DNAH8: variants seen among roughly 807,000 people sequenced by gnomAD.
The protein encoded by DNAH8 is dynein axonemal heavy chain 8.
DNAH8 carries 382 observed loss-of-function variants against 562.1 expected under a neutral mutation model. The observed-to-expected ratio is 0.68, with a 90% CI of 0.63 to 0.74. DNAH8 has a LOEUF of 0.74. Among genes scored for constraint, DNAH8 ranks in the 30% least tolerant of loss-of-function variants. DNAH8 has a pLI of 0.00. For synonymous variants in DNAH8, 1,881 were observed against 1,919.4 expected (o/e 0.98, Z 0.52); for missense variants, 5,203 against 5,620.4 (o/e 0.93, Z 2.37).
intron 85 of DNAH8, among the ~76,000 whole-genome samples, chr6:38,976,388 T>C (rs1763677766): frequency 1.3e-5 from 2 of 152,380 alleles, no homozygotes; most frequent in Admixed American, 6.5e-5. Context: ...AAGTGTTTAC[T>C]GTGATATTTC....
chr6:38,850,498 G>C, intron 38 of DNAH8, 84 bp downstream of exon 38: 1 of 1,286,842 alleles, frequency 7.8e-7, no homozygotes, highest in East Asian at 2.4e-5. Flanking sequence ...CTACATTTCT[G>C]GTTTGGTAGT....
chr6:38,775,855 A>G lies in DNAH8; in HGVS notation c.1866A>G (p.Gln622=). 1.2e-6 allele frequency: 2 copies of G among 1,609,884 alleles called. No individual in the cohort carries two copies. Among genetic ancestry groups the G allele is most frequent in the South Asian group, 1.1e-5 (1 of 90,954 alleles). The part of the protein sequence containing the change: ...IMAIKFRNIY[Q]GVKKKQYDIL... ...CAATAAAATTCAGAAATATATACCA[A>G]GGGGTTAAGAAAAAGCAATATGACA... The change falls in exon 13 of 93, where the codon CAA becomes CAG. Residue 622 remains glutamine (Q), a synonymous_variant. Transcript: ENST00000327475.
intron 82 of DNAH8, among the ~76,000 whole-genome samples, chr6:38,955,757 A>G (rs573150385): frequency 9.2e-5 from 14 of 152,316 alleles, no homozygotes; most frequent in African/African-American, 3.4e-4. Flanking sequence ...CCACCACATC[A>G]GGAATTCTGT....
rs202187941 is a variant in DNAH8 at position 38,857,680 on chromosome 6, A to T, written c.5896A>T (p.Arg1966Ter). 2.5e-6 allele frequency: 4 copies of T among 1,613,880 alleles called. No homozygotes were observed. Among genetic ancestry groups the T allele is most frequent in the East Asian group, 2.2e-5 (1 of 44,840 alleles). The stretch of plus-strand genomic sequence containing the variant: ...AACACATGATCTAAGCAAGTTTGAT[A>T]GAGTGAAGTTCGAGACTCTAATTAC... ...QTTHDLSKFDRVKFETLITIH... is the reference protein window; with the variant it reads ...QTTHDLSKFD The change falls in exon 42 of 93, where the codon AGA (arginine) becomes TGA (stop). Residue 1966 changes from arginine (R) to a stop codon, truncating the protein, a stop_gained. Transcript: ENST00000327475. LOFTEE classifies it high-confidence loss of function.
chr6:38,853,352 G>A lies in DNAH8; in HGVS notation c.5733+5G>A. On this transcript the variant is annotated splice_donor_5th_base_variant and intron_variant, in intron 41 of 92. Coordinates refer to ENST00000327475, the MANE Select transcript of DNAH8 (RefSeq NM_001206927.2). ...CTCAGCCACTTTCCAGCACAGGTGA[G>A]AATACACAATGCTTAAGTAATGGTG... 2 of 1,610,476 alleles carry A rather than the reference G, an allele frequency of 1.2e-6. No individual in the cohort carries two copies. Among genetic ancestry groups the A allele is most frequent in the East Asian group, 4.5e-5 (2 of 44,638 alleles).
At chr6:38,936,950 T>G (rs180916512) in intron 77 of DNAH8, among the ~76,000 whole-genome samples, 1 of 152,152 alleles carries the variant, frequency 6.6e-6, no homozygotes, top group Non-Finnish European at 1.5e-5. Flanking sequence ...ATCCAAGGTG[T>G]CTTTCCTTAG....
At chr6:38,760,038 AT>A (rs1372279921) in intron 10 of DNAH8, among the ~76,000 whole-genome samples, 5 of 152,072 alleles carry the variant, frequency 3.3e-5, no homozygotes, top group Non-Finnish European at 7.4e-5. Context: ...TATTCTTAAC[AT>A]TTTTTTCAAC....
chr6:38,781,519 T>A, intron 16 of DNAH8, 146 bp downstream of exon 16: 1 of 946,006 alleles, frequency 1.1e-6, no homozygotes, highest in Non-Finnish European at 1.5e-6. Context: ...TTTATAAATA[T>A]ACTTGAGAGA....
chr6:38,736,065 A>G (rs1422245611), intron 5 of DNAH8, among the ~76,000 whole-genome samples: 2 of 152,010 alleles, frequency 1.3e-5, no homozygotes. Context: ...TTGAGTCCCC[A>G]AGGCAGAGGT....
intron 8 of DNAH8, among the ~76,000 whole-genome samples, chr6:38,746,126 A>C (rs878938944): frequency 6.6e-6 from 1 of 152,178 alleles, no homozygotes; most frequent in Admixed American, 6.5e-5. Flanking sequence ...TATTAATCAG[A>C]ATTCTTATGT....
At position 38,890,904 on chromosome 6, in the gene DNAH8, C is replaced by T. The variant is rs1461841448; in HGVS notation, c.8583+143C>T. 9 of 613,414 alleles carry T rather than the reference C, an allele frequency of 1.5e-5. No individual in the cohort carries two copies. In the East Asian group the frequency reaches 2.2e-4, roughly 15 times the overall value. 38.0% of individuals were successfully genotyped at this position (613,414 alleles called of 1,614,324 possible). Reference sequence around the variant, plus strand: ...CAAATTACGTGCTCAAATAGATTTACAACACCTTTTCCTTCCAGGGAGCAA... The same window carrying T: ...CAAATTACGTGCTCAAATAGATTTATAACACCTTTTCCTTCCAGGGAGCAA... On this transcript the variant is annotated intron_variant, in intron 58 of 92. Transcript: ENST00000327475.
At chr6:39,028,242 T>G (rs1767424143) in intron 92 of DNAH8, among the ~76,000 whole-genome samples, 1 of 152,232 alleles carries the variant, frequency 6.6e-6, no homozygotes. Flanking sequence ...AATCAAAATC[T>G]GTGTTCCTTT....
At chr6:39,018,568 C>G (rs1450888775) in intron 91 of DNAH8, among the ~76,000 whole-genome samples, 1 of 152,184 alleles carries the variant, frequency 6.6e-6, no homozygotes, top group East Asian at 1.9e-4. Flanking sequence ...TTCCTCACTT[C>G]CACCTGCCAA....
rs1469585806 is a variant in DNAH8 at position 38,860,484 on chromosome 6, G to A, written c.5986G>A (p.Asp1996Asn). ...AAAAATGCATATCAAATCACCTACT[G>A]ACTTTGAATGGCTAAAACAGAGTAG... is the stretch of plus-strand genomic sequence containing the variant. ...LVKMHIKSPT[D>N]FEWLKQSRFY... is the part of the protein sequence containing the mutation. The change falls in exon 43 of 93, where the codon GAC becomes AAC. Residue 1996 changes from aspartate to asparagine, a missense_variant. Physicochemically the swap from Asp to Asn is conservative, Grantham distance 23 (BLOSUM62 1). This residue lies in a region of DNAH8 where 2,176 missense variants were observed against 2,365.1 expected (regional missense o/e 0.92). Transcript: ENST00000327475. The A allele has an allele frequency of 2.7e-6, 4 of 1,458,240 alleles. No individual in the cohort carries two copies. In the Admixed American group the frequency reaches 8.1e-5, roughly 29 times the overall value. The allele number at this position is 1,458,240 out of a possible 1,614,324, so 90.3% of individuals were successfully genotyped here.
intron 91 of DNAH8, among the ~76,000 whole-genome samples, chr6:39,021,066 T>C (rs1766886921): frequency 6.6e-6 from 1 of 152,228 alleles, no homozygotes. Flanking sequence ...ATGGTATTTC[T>C]GGTTCTAGAT....
chr6:38,860,666 T>C, intron 43 of DNAH8, 37 bp downstream of exon 43: 1 of 1,407,126 alleles, frequency 7.1e-7, no homozygotes, highest in Non-Finnish European at 9.5e-7. Flanking sequence ...TTTTGTAATT[T>C]TAAAATGTGC....
intron 56 of DNAH8, among the ~76,000 whole-genome samples, 195 bp downstream of exon 56, chr6:38,884,193 TG>T (rs374341477): frequency 1.1e-3 from 175 of 152,328 alleles, no homozygotes; most frequent in African/African-American, 4.1e-3. Context: ...TTTTTGTTTT[TG>T]TTTTTTTATT....
chr6:38,898,126 CCT>C, intron 60 of DNAH8, 130 bp from the exon 61 acceptor site: 1 of 814,006 alleles, frequency 1.2e-6, no homozygotes, highest in Admixed American at 3.0e-5. Context: ...ACGTGAGAAA[CCT>C]CTGGAAATCC....
At chr6:38,779,377 C>T (rs1047211967) in intron 14 of DNAH8, among the ~76,000 whole-genome samples, 1 of 152,142 alleles carries the variant, frequency 6.6e-6, no homozygotes, top group Non-Finnish European at 1.5e-5. Flanking sequence ...CTATTTCTCT[C>T]TGTCTCTCTC....
Sources: gnomAD v4.1 joint callset for allele counts (sites outside exome capture counted in the v4.1 genomes callset) on GRCh38, gnomAD v4.1.1 for gene constraint, gnomAD v4.1.1 regional missense constraint, MANE v1.5 for transcripts, NCBI Gene and HGNC (gene_info 2026-07-23, HGNC 2026-07-21) for gene names.